The following SLC22A4 variants were observed in gnomAD, a reference collection of about 807,000 sequenced individuals.
The protein encoded by SLC22A4 is ET transporter.
SLC22A4 carries 39 observed loss-of-function variants against 56.6 expected under a neutral mutation model. The observed-to-expected ratio is 0.69, with a 90% confidence interval of 0.53 to 0.90. The LOEUF (loss-of-function observed/expected upper bound fraction) is 0.90, where lower values mean the gene tolerates loss of function less well. SLC22A4 is among the 40% of genes least tolerant of loss of function. SLC22A4 has a pLI of 0.00. For missense variants in SLC22A4, 594 were observed against 696.5 expected (o/e 0.85, Z 1.66); for synonymous variants, 241 against 281.4 (o/e 0.86, Z 1.44).
chr5:132,298,447 C>T (rs1001089260), intron 1 of SLC22A4, among the ~76,000 whole-genome samples: 2 of 152,122 alleles, frequency 1.3e-5, no homozygotes, highest in African/African-American at 4.8e-5. Context: ...ATGGTGGTTG[C>T]CAGGGACTGG....
At chr5:132,295,153 C>T (rs771840258) in intron 1 of SLC22A4, 144 bp downstream of exon 1, 17 of 988,158 alleles carry the variant, frequency 1.7e-5, no homozygotes, top group Non-Finnish European at 1.9e-5. Context: ...AGCGGGTGTG[C>T]ACCCCAAGAA....
rs1351328018 is a variant in SLC22A4 at position 132,322,178 on chromosome 5, G to C, written c.653-6G>C. 2.5e-6 allele frequency: 4 copies of C among 1,611,626 alleles called. No individual in the cohort carries two copies. The highest frequency in any genetic ancestry group is 2.7e-5 in the African/African-American group (2 of 74,842). ...TATGCTAATACTCCTCCCTTGTTTT[G>C]AACAGGAACAGAAATTCTTGGCAAG... On this transcript the variant is annotated splice_region_variant and splice_polypyrimidine_tract_variant and intron_variant, in intron 3 of 9. Transcript: ENST00000200652.
intron 1 of SLC22A4, among the ~76,000 whole-genome samples, chr5:132,302,049 T>C (rs762827272): frequency 1.4e-4 from 21 of 152,366 alleles, no homozygotes; most frequent in Middle Eastern, 3.4e-3. Context: ...AGAGAGCACA[T>C]AGAGGAGACT....
At chr5:132,336,102 A>G in intron 8 of SLC22A4, 102 bp downstream of exon 8, 1 of 1,235,008 alleles carries the variant, frequency 8.1e-7, no homozygotes, top group Non-Finnish European at 1.2e-6. Context: ...ATGTACTGGA[A>G]AAAAGTACAA....
chr5:132,310,242 A>G (rs1750147599), intron 1 of SLC22A4, among the ~76,000 whole-genome samples: 1 of 152,218 alleles, frequency 6.6e-6, no homozygotes, highest in Admixed American at 6.5e-5. Flanking sequence ...ACTTCAGACA[A>G]ATCCCATTCT....
At chr5:132,305,992 C>T (rs1750018798) in intron 1 of SLC22A4, among the ~76,000 whole-genome samples, 1 of 152,102 alleles carries the variant, frequency 6.6e-6, no homozygotes. Context: ...AGATGTTCAA[C>T]ATTAGTTATT....
chr5:132,308,570 C>G (rs538689444), intron 1 of SLC22A4, among the ~76,000 whole-genome samples: 1 of 151,978 alleles, frequency 6.6e-6, no homozygotes, highest in Non-Finnish European at 1.5e-5. Context: ...CTGTTACTGT[C>G]TTTCCCATTA....
chr5:132,321,769 G>A (rs563623757), intron 3 of SLC22A4, among the ~76,000 whole-genome samples: 1 of 152,080 alleles, frequency 6.6e-6, no homozygotes, highest in Non-Finnish European at 1.5e-5. Context: ...TTAGCCAGGC[G>A]TGGTGGTGCA....
At chr5:132,314,909 C>T (rs181403895) in intron 3 of SLC22A4, among the ~76,000 whole-genome samples, 18 of 152,298 alleles carry the variant, frequency 1.2e-4, no homozygotes, top group African/African-American at 4.3e-4. Flanking sequence ...ATGCTGGAGC[C>T]ACATGGTCCC....
chr5:132,299,742 C>T (rs1749869139), intron 1 of SLC22A4, among the ~76,000 whole-genome samples: 1 of 152,194 alleles, frequency 6.6e-6, no homozygotes, highest in Non-Finnish European at 1.5e-5. Context: ...GCGTGAGCCA[C>T]CGCGCCTGGC....
intron 3 of SLC22A4, among the ~76,000 whole-genome samples, chr5:132,319,588 G>A (rs1750472407): frequency 6.6e-6 from 1 of 152,108 alleles, no homozygotes; most frequent in South Asian, 2.1e-4. Context: ...ATTAGCTTTT[G>A]TTTTAGTTTT....
intron 7 of SLC22A4, among the ~76,000 whole-genome samples, chr5:132,335,525 T>G (rs1343492593): frequency 6.6e-6 from 1 of 152,208 alleles, no homozygotes; most frequent in Non-Finnish European, 1.5e-5. Context: ...ATTAACATGC[T>G]AATAGCTTAC....
intron 5 of SLC22A4, among the ~76,000 whole-genome samples, chr5:132,328,823 TTATATATATATA>T (rs70974032): frequency 6.2e-5 from 9 of 145,432 alleles, no homozygotes; most frequent in East Asian, 2.0e-4. Flanking sequence ...GGCAGTGCCT[TTATATATATATA>T]TATACACACA....
At chr5:132,304,944 T>C (rs547932494) in intron 1 of SLC22A4, among the ~76,000 whole-genome samples, 216 of 152,268 alleles carry the variant, frequency 1.4e-3, no homozygotes, top group African/African-American at 5.0e-3. Flanking sequence ...AAAAATTACA[T>C]TTATATTTTT....
chr5:132,297,576 G>A (rs149628765), intron 1 of SLC22A4, among the ~76,000 whole-genome samples: 3,381 of 151,868 alleles, frequency 0.022, 121 homozygotes, highest in African/African-American at 0.076. Flanking sequence ...GGGTACAAGC[G>A]ATGAAAAGAG....
chr5:132,317,427 A>G (rs77272907), intron 3 of SLC22A4, among the ~76,000 whole-genome samples: 338 of 152,336 alleles, frequency 2.2e-3, no homozygotes, highest in African/African-American at 7.8e-3. Context: ...TTTGATATAA[A>G]CAGAATCATA....
intron 1 of SLC22A4, among the ~76,000 whole-genome samples, chr5:132,306,387 ATATATATATATATATAT>A (rs1750033283): frequency 4.7e-5 from 1 of 21,160 alleles, no homozygotes; most frequent in African/African-American, 2.5e-4. Context: ...ACCGTGAAAT[ATATATATATATATATAT>A]ATATATATAT....
Position 132,340,643 on chromosome 5 carries a change from C to A in SLC22A4, c.1523C>A (p.Pro508His). Reference protein sequence around the residue: ...VLIGILTLFFPESLGMTLPET... With the variant: ...VLIGILTLFFHESLGMTLPET... ...ATTGGAATCCTCACCCTTTTTTTCC[C>A]TGAAAGTTTGGGAATGACTCTTCCA... Residue 508 changes from proline to histidine, a missense_variant, in exon 9 of 10, where the codon CCT becomes CAT. Pro to His is a moderately conservative substitution (Grantham distance 77). Coordinates refer to ENST00000200652, the MANE Select transcript of SLC22A4 (RefSeq NM_003059.3). 1 of 1,613,774 alleles carries A rather than the reference C, an allele frequency of 6.2e-7. No individual in the cohort carries two copies. The highest frequency in any genetic ancestry group is 8.5e-7 in the Non-Finnish European group (1 of 1,179,862).
At chr5:132,330,485 G>C (rs1322534030) in intron 5 of SLC22A4, among the ~76,000 whole-genome samples, 1 of 152,216 alleles carries the variant, frequency 6.6e-6, no homozygotes, top group Non-Finnish European at 1.5e-5. Context: ...CAGCACTTTG[G>C]GAAGCTGAGG....
Sources: gnomAD v4.1 joint callset for allele counts (sites outside exome capture counted in the v4.1 genomes callset) on GRCh38, gnomAD v4.1.1 for gene constraint, MANE v1.5 for transcripts, NCBI Gene and HGNC (gene_info 2026-07-23, HGNC 2026-07-21) for gene names.